BABAM2: variants seen among roughly 807,000 people sequenced by gnomAD.
BABAM2 encodes BRISC and BRCA1 A complex member 2.
BABAM2 carries 31 observed loss-of-function variants against 54.7 expected under a neutral mutation model. That is an observed-to-expected ratio of 0.57 (90% CI 0.43 to 0.77). The LOEUF is 0.77. Ranked by LOEUF, BABAM2 falls within the 30% of genes least tolerant of loss-of-function variation. The pLI is 0.00. For synonymous variants in BABAM2, 167 were observed against 162.9 expected (o/e 1.03, Z -0.19); for missense variants, 364 against 455.8 (o/e 0.80, Z 1.83).
intron 7 of BABAM2, among the ~76,000 whole-genome samples, chr2:28,225,252 T>G (rs1573879935): frequency 6.6e-6 from 1 of 151,966 alleles, no homozygotes; most frequent in Non-Finnish European, 1.5e-5. Flanking sequence ...CAAGGCTGAG[T>G]GCTATGGGTT....
intron 3 of BABAM2, among the ~76,000 whole-genome samples, chr2:27,939,784 T>C (rs532779395): frequency 1.3e-5 from 2 of 152,304 alleles, no homozygotes; most frequent in East Asian, 3.9e-4. Context: ...TGTAAATCTG[T>C]TTCATTGTAA....
At position 27,894,602 on chromosome 2, in the gene BABAM2, C is replaced by G; in HGVS notation, c.46C>G (p.Pro16Ala). 1 of 1,613,998 alleles carries G rather than the reference C, an allele frequency of 6.2e-7. No homozygotes were observed. Among genetic ancestry groups the G allele is most frequent in the South Asian group, 1.1e-5 (1 of 91,080 alleles). ...GAACCGAATATCTCCAATGCTCTCCCCTTTCATATCTAGCGTGGTCCGGAA... is the reference window on the plus strand; with the variant it reads ...GAACCGAATATCTCCAATGCTCTCCGCTTTCATATCTAGCGTGGTCCGGAA... ...ALNRISPMLS[P>A]FISSVVRNGK... The change falls in exon 2 of 12, where the codon CCT becomes GCT. Residue 16 changes from proline (P) to alanine (A), a missense_variant. Pro to Ala is a conservative substitution (Grantham distance 27). Transcript: ENST00000379624.
At chr2:28,308,071 G>A (rs904037759) in intron 11 of BABAM2, 3 of 196,180 alleles carry the variant, frequency 1.5e-5, no homozygotes, top group Admixed American at 1.1e-4. Flanking sequence ...TATAAAAACT[G>A]AGGCTCAGAG....
chr2:28,244,742 GT>G (rs756849209), intron 9 of BABAM2, 37 bp from the exon 10 acceptor site: 46 of 1,550,184 alleles, frequency 3.0e-5, no homozygotes, highest in Admixed American at 7.1e-5. Context: ...TTTTATGAGG[GT>G]TTTTTTTGTT....
At chr2:27,904,007 A>C (rs1402177372) in intron 2 of BABAM2, among the ~76,000 whole-genome samples, 2 of 152,208 alleles carry the variant, frequency 1.3e-5, no homozygotes. Context: ...GGATTACTTG[A>C]AGTCAAGCAC....
intron 4 of BABAM2, among the ~76,000 whole-genome samples, chr2:28,005,775 A>G (rs968965775): frequency 1.3e-5 from 2 of 152,108 alleles, no homozygotes; most frequent in African/African-American, 4.8e-5. Context: ...ATGAATCCCC[A>G]TGGATCTCGT....
At chr2:27,896,934 A>G (rs1473166175) in intron 2 of BABAM2, 1 of 158,546 alleles carries the variant, frequency 6.3e-6, no homozygotes, top group African/African-American at 2.4e-5. Flanking sequence ...CTTTTCACAC[A>G]TGTCCACCAT....
intron 7 of BABAM2, among the ~76,000 whole-genome samples, chr2:28,162,414 T>C (rs1026847192): frequency 6.6e-6 from 1 of 152,218 alleles, no homozygotes; most frequent in African/African-American, 2.4e-5. Context: ...CTTAGCCTCC[T>C]TTTTGTCACC....
At chr2:28,186,138 C>T (rs956148408) in intron 7 of BABAM2, among the ~76,000 whole-genome samples, 11 of 152,216 alleles carry the variant, frequency 7.2e-5, no homozygotes, top group South Asian at 4.2e-4. Flanking sequence ...TGGTTAATTC[C>T]GACCTTAGCT....
chr2:28,238,879 A>T (rs1009054294), intron 8 of BABAM2, among the ~76,000 whole-genome samples: 1 of 152,186 alleles, frequency 6.6e-6, no homozygotes, highest in Non-Finnish European at 1.5e-5. Flanking sequence ...GAAATATAAG[A>T]ATCAGTCAAT....
chr2:27,978,847 G>GTA (rs1460780438), intron 3 of BABAM2, among the ~76,000 whole-genome samples: 1 of 151,962 alleles, frequency 6.6e-6, no homozygotes, highest in African/African-American at 2.4e-5. Flanking sequence ...TTGTGTCCAT[G>GTA]TATACTCCAA....
At chr2:28,185,197 C>T (rs940803534) in intron 7 of BABAM2, among the ~76,000 whole-genome samples, 2 of 152,060 alleles carry the variant, frequency 1.3e-5, no homozygotes, top group Non-Finnish European at 2.9e-5. Flanking sequence ...ATATTAAAAC[C>T]CCATTTCTTA....
At chr2:28,215,603 G>T (rs1679850686) in intron 7 of BABAM2, among the ~76,000 whole-genome samples, 1 of 152,036 alleles carries the variant, frequency 6.6e-6, no homozygotes, top group African/African-American at 2.4e-5. Flanking sequence ...TTTTTATCTT[G>T]CATCCATCCA....
chr2:28,223,532 C>T (rs150122379), intron 7 of BABAM2, among the ~76,000 whole-genome samples: 87 of 152,324 alleles, frequency 5.7e-4, no homozygotes, highest in African/African-American at 1.8e-3. Context: ...CATTGTTCAC[C>T]GCCTTGACTT....
At chr2:28,125,019 C>T (rs573534617) in intron 6 of BABAM2, among the ~76,000 whole-genome samples, 8 of 152,184 alleles carry the variant, frequency 5.3e-5, no homozygotes, top group East Asian at 3.9e-4. Context: ...CAATGAACAA[C>T]GACAACAAAG....
intron 11 of BABAM2, among the ~76,000 whole-genome samples, chr2:28,323,087 G>A (rs1450301001): frequency 6.6e-6 from 1 of 152,198 alleles, no homozygotes; most frequent in Non-Finnish European, 1.5e-5. Context: ...GGGTGAGCAC[G>A]CAGCTCTCTC....
intron 11 of BABAM2, among the ~76,000 whole-genome samples, chr2:28,326,116 T>C (rs1558532852): frequency 6.6e-6 from 1 of 152,228 alleles, no homozygotes; most frequent in Admixed American, 6.5e-5. Flanking sequence ...CACTTCCTCT[T>C]TCAGGGTCAC....
chr2:28,167,339 C>T (rs905614967), intron 7 of BABAM2, among the ~76,000 whole-genome samples: 1 of 152,114 alleles, frequency 6.6e-6, no homozygotes, highest in Non-Finnish European at 1.5e-5. Context: ...TTTAAGCATC[C>T]TTAAGGATTT....
At chr2:28,296,812 C>G (rs914806569) in intron 10 of BABAM2, among the ~76,000 whole-genome samples, 1 of 152,124 alleles carries the variant, frequency 6.6e-6, no homozygotes, top group Non-Finnish European at 1.5e-5. Context: ...CTCAGACTCC[C>G]GGGTAGCTGG....
Sources: gnomAD v4.1 joint callset for allele counts (sites outside exome capture counted in the v4.1 genomes callset) on GRCh38, gnomAD v4.1.1 for gene constraint, MANE v1.5 for transcripts, NCBI Gene and HGNC (gene_info 2026-07-23, HGNC 2026-07-21) for gene names.